The following MAST4 variants were observed in gnomAD, a reference collection of about 807,000 sequenced individuals.
The protein encoded by MAST4 is microtubule associated serine/threonine kinase family member 4, also known as microtubule-associated serine/threonine-protein kinase 4.
MAST4 carries 89 observed loss-of-function variants against 162.7 expected under a neutral mutation model. That is an observed-to-expected ratio of 0.55 (90% CI 0.46 to 0.65). MAST4 has a LOEUF of 0.65. Ranked by LOEUF, MAST4 falls within the 30% of genes least tolerant of loss-of-function variation. The pLI is 0.00. For missense variants in MAST4, 3,153 were observed against 3,374.0 expected (o/e 0.93, Z 1.62); for synonymous variants, 1,479 against 1,361.1 (o/e 1.09, Z -1.91).
chr5:66,830,153 A>C (rs1757504677), intron 3 of MAST4, among the ~76,000 whole-genome samples: 1 of 152,234 alleles, frequency 6.6e-6, no homozygotes. Context: ...AACTCTGTTA[A>C]ACTCTGAATA....
At chr5:67,025,377 C>G (rs1327792103) in intron 4 of MAST4, among the ~76,000 whole-genome samples, 1 of 152,062 alleles carries the variant, frequency 6.6e-6, no homozygotes, top group Non-Finnish European at 1.5e-5. Flanking sequence ...AAATACATGG[C>G]TAATACTATG....
chr5:66,916,908 C>G, intron 4 of MAST4: 1 of 699,338 alleles, frequency 1.4e-6, no homozygotes, highest in South Asian at 1.6e-5. Context: ...TTCTCCCCTC[C>G]CCACAACAAA....
At chr5:67,078,652 A>T (rs910426067) in intron 5 of MAST4, among the ~76,000 whole-genome samples, 1 of 129,578 alleles carries the variant, frequency 7.7e-6, no homozygotes, top group African/African-American at 3.3e-5. Context: ...ATATCTTTAT[A>T]TATATTTATT....
In MAST4 at chr5:66,820,115, C is replaced by T. The variant is rs116514896; in HGVS notation, c.642+31321C>T. Among the ~76,000 whole-genome samples the T allele has an allele frequency of 5.9e-3, 890 of 152,112 alleles. 8 individuals are homozygous for T. The highest frequency in any genetic ancestry group is 0.02 in the African/African-American group (817 of 41,474). On this transcript the variant is annotated intron_variant, in intron 3 of 28. Coordinates refer to ENST00000403625, the MANE Select transcript of MAST4 (RefSeq NM_001164664.2). ...GATTATAGGTGTGCATCACTGCACT[C>T]AGCCACTATGGGATTTTTAAATACA...
chr5:66,717,622 T>G (rs766498920), intron 1 of MAST4, among the ~76,000 whole-genome samples: 1 of 152,218 alleles, frequency 6.6e-6, no homozygotes, highest in Non-Finnish European at 1.5e-5. Context: ...TCACTCCACT[T>G]GAAGTGGCTT....
At chr5:67,016,828 T>C (rs1458993740) in intron 4 of MAST4, among the ~76,000 whole-genome samples, 1 of 152,174 alleles carries the variant, frequency 6.6e-6, no homozygotes, top group East Asian at 1.9e-4. Context: ...GTGTATATGT[T>C]ATCTACACAT....
chr5:66,909,901 T>G (rs904531423), intron 4 of MAST4, among the ~76,000 whole-genome samples: 1 of 152,210 alleles, frequency 6.6e-6, no homozygotes, highest in Non-Finnish European at 1.5e-5. Flanking sequence ...ACAAGCTCTC[T>G]TGCCTGCCAC....
chr5:67,035,883 C>G (rs1755962494), intron 4 of MAST4, among the ~76,000 whole-genome samples: 1 of 152,126 alleles, frequency 6.6e-6, no homozygotes, highest in Non-Finnish European at 1.5e-5. Flanking sequence ...ACACCTAATA[C>G]AATGTAAATG....
chr5:66,694,437 T>G (rs1177180107), intron 1 of MAST4, among the ~76,000 whole-genome samples: 2 of 152,224 alleles, frequency 1.3e-5, no homozygotes, highest in African/African-American at 4.8e-5. Flanking sequence ...TTTAAAAATT[T>G]GCACTCCTCT....
chr5:66,926,084 G>C (rs879354202), intron 4 of MAST4, among the ~76,000 whole-genome samples: 10 of 151,900 alleles, frequency 6.6e-5, no homozygotes, highest in Non-Finnish European at 1.3e-4. Flanking sequence ...GAGAGGTTTC[G>C]GCATAGGTGA....
intron 3 of MAST4, among the ~76,000 whole-genome samples, chr5:66,891,563 C>G (rs574072951): frequency 2.5e-4 from 38 of 152,112 alleles, no homozygotes; most frequent in South Asian, 4.2e-4. Context: ...CTTCCAAAAC[C>G]CTTCTATGAT....
chr5:66,599,150 T>A (rs1246977712), intron 1 of MAST4, among the ~76,000 whole-genome samples: 5 of 152,228 alleles, frequency 3.3e-5, no homozygotes, highest in Admixed American at 6.5e-5. Context: ...ATGTAGTTTT[T>A]TCCCCTCTTA....
chr5:67,039,803 G>A (rs1756495078), intron 4 of MAST4, among the ~76,000 whole-genome samples: 1 of 152,132 alleles, frequency 6.6e-6, no homozygotes, highest in African/African-American at 2.4e-5. Context: ...AGAGTCTAGG[G>A]AGTTCTTGGA....
intron 4 of MAST4, among the ~76,000 whole-genome samples, chr5:67,035,862 G>C (rs918463446): frequency 6.6e-6 from 1 of 152,102 alleles, no homozygotes; most frequent in Admixed American, 6.6e-5. Context: ...ATCGTGTCTA[G>C]GGTACTTATA....
intron 1 of MAST4, among the ~76,000 whole-genome samples, chr5:66,678,388 T>C (rs1013850515): frequency 6.6e-6 from 1 of 152,068 alleles, no homozygotes; most frequent in African/African-American, 2.4e-5. Flanking sequence ...TAGATCCTAA[T>C]TGCTGACCAA....
At chr5:66,599,915 A>G (rs2149380448) in intron 1 of MAST4, among the ~76,000 whole-genome samples, 1 of 125,786 alleles carries the variant, frequency 8.0e-6, no homozygotes, top group African/African-American at 3.7e-5. Context: ...TTATTTCTAA[A>G]GGGGTGTGTG....
chr5:67,087,230 C>T (rs1763336282), intron 5 of MAST4, among the ~76,000 whole-genome samples: 1 of 152,142 alleles, frequency 6.6e-6, no homozygotes, highest in Admixed American at 6.5e-5. Flanking sequence ...ACATCAGTCA[C>T]TTTTTTAGCC....
intron 2 of MAST4, among the ~76,000 whole-genome samples, chr5:66,767,170 C>CGT (rs60766673): frequency 0.16 from 21,756 of 139,300 alleles, 1,718 homozygotes; most frequent in East Asian, 0.27. Flanking sequence ...GTAAAGTGCA[C>CGT]GTGTGTGTGT....
intron 1 of MAST4, among the ~76,000 whole-genome samples, chr5:66,626,670 A>G (rs1425510574): frequency 6.6e-6 from 1 of 152,196 alleles, no homozygotes; most frequent in Non-Finnish European, 1.5e-5. Flanking sequence ...TATAAGACAA[A>G]TGCTTTAGTT....
Sources: gnomAD v4.1 joint callset for allele counts (sites outside exome capture counted in the v4.1 genomes callset) on GRCh38, gnomAD v4.1.1 for gene constraint, MANE v1.5 for transcripts, NCBI Gene and HGNC (gene_info 2026-07-23, HGNC 2026-07-21) for gene names.